CCSER1: variants seen among roughly 807,000 people sequenced by gnomAD.
CCSER1 encodes serine-rich coiled-coil domain-containing protein 1.
Under a neutral mutation model 82.0 loss-of-function variants are expected in CCSER1, and 41 were observed. The observed-to-expected ratio is 0.50, with a 90% CI of 0.39 to 0.65. The LOEUF (loss-of-function observed/expected upper bound fraction) is 0.65. Ranked by LOEUF, CCSER1 falls within the 30% of genes least tolerant of loss-of-function variation. CCSER1 has a pLI of 0.00. For missense variants in CCSER1, 1,119 were observed against 1,064.2 expected, an observed-to-expected ratio of 1.05 and a Z score of -0.72; for synonymous variants, 414 against 383.9, an observed-to-expected ratio of 1.08 and a Z score of -0.92.
intron 10 of CCSER1, among the ~76,000 whole-genome samples, chr4:91,429,217 A>G (rs778266692): frequency 1.3e-5 from 2 of 151,916 alleles, no homozygotes; most frequent in Non-Finnish European, 2.9e-5. Context: ...AGAATTTTAG[A>G]TTCTGTTTTG....
At chr4:91,000,254 AG>A in intron 9 of CCSER1, among the ~76,000 whole-genome samples, 1 of 149,744 alleles carries the variant, frequency 6.7e-6, no homozygotes, top group Admixed American at 6.7e-5. Context: ...AGTATAGTAT[AG>A]TATAGTATAG....
At chr4:90,485,412 G>A (rs938351065) in intron 5 of CCSER1, among the ~76,000 whole-genome samples, 2 of 152,008 alleles carry the variant, frequency 1.3e-5, no homozygotes, top group Non-Finnish European at 2.9e-5. Flanking sequence ...TCCCCCGTGA[G>A]ATGAACCTGG....
intron 10 of CCSER1, among the ~76,000 whole-genome samples, chr4:91,432,205 G>A (rs1187138191): frequency 6.6e-6 from 1 of 152,106 alleles, no homozygotes; most frequent in East Asian, 1.9e-4. Context: ...CTCCCTAGCT[G>A]TGTGGAACTG....
At chr4:90,628,303 C>G in intron 6 of CCSER1, 71 bp downstream of exon 6, 2 of 1,210,160 alleles carry the variant, frequency 1.7e-6, no homozygotes, top group Non-Finnish European at 2.4e-6. Flanking sequence ...GTGGTTAGAC[C>G]CTGCTCTGTC....
At chr4:90,159,473 T>C (rs11732065) in intron 1 of CCSER1, among the ~76,000 whole-genome samples, 46,464 of 152,112 alleles carry the variant, frequency 0.31, 8,235 homozygotes, top group Non-Finnish European at 0.41. Context: ...AATGTCTAAC[T>C]TTGGTGTCTA....
rs1239251114 is a variant in CCSER1, at chr4:90,140,218, C to T, written c.-42+12387C>T. Among the ~76,000 whole-genome samples, 4 of 152,066 alleles carry T rather than the reference C, an allele frequency of 2.6e-5. No individual in the cohort carries two copies. The East Asian group carries it at 7.7e-4, about 29-fold the overall frequency. ...CTAAAATAAAAGTTGCCTTAAAACC[C>T]TTTCAAGAGTTAGCATGTGTGCGCA... On this transcript the variant is annotated intron_variant, in intron 1 of 10. Coordinates refer to ENST00000509176, the MANE Select transcript of CCSER1 (RefSeq NM_001145065.2).
At chr4:91,003,673 G>A (rs1471375855) in intron 9 of CCSER1, among the ~76,000 whole-genome samples, 2 of 152,118 alleles carry the variant, frequency 1.3e-5, no homozygotes, top group African/African-American at 4.8e-5. Flanking sequence ...TAGGGCTTTT[G>A]TTCTTCCCCG....
chr4:91,257,053 T>C (rs1457888030), intron 10 of CCSER1, among the ~76,000 whole-genome samples: 2 of 152,202 alleles, frequency 1.3e-5, no homozygotes, highest in African/African-American at 4.8e-5. Context: ...AGATAAATCT[T>C]GTTTCACTCT....
intron 1 of CCSER1, among the ~76,000 whole-genome samples, chr4:90,178,252 T>G (rs773566198): frequency 2.0e-5 from 3 of 152,130 alleles, no homozygotes; most frequent in Non-Finnish European, 4.4e-5. Flanking sequence ...TTTTCAGAGT[T>G]GGAATTTCAT....
At chr4:90,978,379 C>T (rs1471546547) in intron 9 of CCSER1, among the ~76,000 whole-genome samples, 1 of 151,540 alleles carries the variant, frequency 6.6e-6, no homozygotes, top group Non-Finnish European at 1.5e-5. Context: ...TTTCTATAAA[C>T]AATGGTTTGC....
intron 6 of CCSER1, among the ~76,000 whole-genome samples, chr4:90,709,924 C>T (rs1444197318): frequency 6.7e-6 from 1 of 149,490 alleles, no homozygotes; most frequent in Non-Finnish European, 1.5e-5. Flanking sequence ...ATTCCTTTTT[C>T]TCTGCAACCT....
chr4:90,918,572 G>A (rs1249572828), intron 8 of CCSER1, among the ~76,000 whole-genome samples: 1 of 113,382 alleles, frequency 8.8e-6, no homozygotes, highest in African/African-American at 4.8e-5. Context: ...GTATGCGCAC[G>A]TGCAAATGAA....
At chr4:90,130,512 A>G (rs779554183) in intron 1 of CCSER1, among the ~76,000 whole-genome samples, 2 of 152,248 alleles carry the variant, frequency 1.3e-5, no homozygotes, top group African/African-American at 2.4e-5. Flanking sequence ...ATAGAAAAGA[A>G]CATATAAGGG....
intron 9 of CCSER1, among the ~76,000 whole-genome samples, chr4:91,085,420 C>T (rs1432863758): frequency 6.6e-6 from 1 of 152,082 alleles, no homozygotes; most frequent in Non-Finnish European, 1.5e-5. Flanking sequence ...TTATTAGGAA[C>T]TTAAAGTGGA....
chr4:91,510,059 C>T (rs932699000), intron 10 of CCSER1, among the ~76,000 whole-genome samples: 2 of 152,008 alleles, frequency 1.3e-5, no homozygotes, highest in Non-Finnish European at 2.9e-5. Flanking sequence ...CTTCTTATGC[C>T]CGTGAGTACC....
chr4:90,685,779 T>C (rs967329385), intron 6 of CCSER1, among the ~76,000 whole-genome samples: 1 of 152,226 alleles, frequency 6.6e-6, no homozygotes, highest in Non-Finnish European at 1.5e-5. Context: ...ACCGCGATAC[T>C]GATTTATAGC....
chr4:90,771,375 A>G (rs922141717), intron 7 of CCSER1, among the ~76,000 whole-genome samples: 2 of 151,790 alleles, frequency 1.3e-5, no homozygotes, highest in Non-Finnish European at 1.5e-5. Context: ...ACCACTTTTT[A>G]AAATTCAGAA....
intron 8 of CCSER1, among the ~76,000 whole-genome samples, chr4:90,868,483 T>C (rs1766024916): frequency 1.3e-5 from 2 of 152,038 alleles, no homozygotes; most frequent in African/African-American, 4.8e-5. Flanking sequence ...TAATTTCATT[T>C]AACATGATGA....
Position 90,627,940 on chromosome 4 carries a change from A to G in CCSER1, c.1725-85A>G, listed in dbSNP as rs1212011436. On this transcript the variant is annotated intron_variant, in intron 5 of 10. Coordinates refer to ENST00000509176, the MANE Select transcript of CCSER1 (RefSeq NM_001145065.2). The stretch of plus-strand genomic sequence containing the variant: ...GGACACAAGAAATACTTTCTAGGAT[A>G]CTAGAAACATTGATTAACAACTTGG... 1.1e-5 allele frequency: 10 copies of G among 950,414 alleles called. No homozygotes were observed. In the Admixed American group the frequency reaches 1.2e-4, roughly 11 times the overall value. 58.9% of individuals were successfully genotyped at this position (950,414 alleles called of 1,614,324 possible). A position where few individuals can be genotyped will look rare whatever the true frequency, so the allele number is the denominator to read the frequency against.
Sources: allele counts gnomAD v4.1 joint callset (sites outside exome capture counted in the v4.1 genomes callset), GRCh38; gene constraint gnomAD v4.1.1; transcripts MANE v1.5; gene names NCBI Gene and HGNC (gene_info 2026-07-23, HGNC 2026-07-21).